USP8: variants seen among roughly 807,000 people sequenced by gnomAD.
USP8 encodes ubiquitin carboxyl-terminal hydrolase 8.
A neutral mutation model predicts 130.0 loss-of-function variants in USP8; 27 were observed. The observed-to-expected ratio is 0.21, with a 90% CI of 0.15 to 0.29. USP8 has a LOEUF of 0.29. USP8 is among the 10% of genes least tolerant of loss of function. The pLI is 1.00. For missense variants in USP8, 1,029 were observed against 1,312.2 expected (o/e 0.78, Z 3.33); for synonymous variants, 392 against 444.1 (o/e 0.88, Z 1.48).
At chr15:50,459,432 A>C (rs1406712299) in intron 5 of USP8, among the ~76,000 whole-genome samples, 1 of 152,062 alleles carries the variant, frequency 6.6e-6, no homozygotes, top group African/African-American at 2.4e-5. Context: ...AAAAATACAA[A>C]AGTTAGCTGG....
intron 4 of USP8, among the ~76,000 whole-genome samples, chr15:50,452,594 T>C (rs1355417946): frequency 1.3e-5 from 2 of 152,210 alleles, no homozygotes; most frequent in Non-Finnish European, 2.9e-5. Flanking sequence ...TGTTCCAGCA[T>C]AGAGCACTAC....
rs1422182672 is a variant in USP8, at chr15:50,498,893, T to C, written c.3172-10T>C. 1 of 1,581,168 alleles carries C rather than the reference T, an allele frequency of 6.3e-7. No homozygotes were observed. Among genetic ancestry groups the C allele is most frequent in the Non-Finnish European group, 8.6e-7 (1 of 1,165,244 alleles). On this transcript the variant is annotated splice_polypyrimidine_tract_variant and intron_variant, in intron 19 of 19. Coordinates refer to ENST00000307179, the MANE Select transcript of USP8 (RefSeq NM_005154.5). The stretch of plus-strand genomic sequence containing the variant: ...TGAATTGATTTTTTTTTCTATCTTG[T>C]TTGGCACAGAATCACTACGGTGGGC...
chr15:50,490,407 C>G lies in USP8; in HGVS notation c.2116C>G (p.Arg706Gly). 1 of 1,614,066 alleles carries G rather than the reference C, an allele frequency of 6.2e-7. No individual in the cohort carries two copies. Among genetic ancestry groups the G allele is most frequent in the Non-Finnish European group, 8.5e-7 (1 of 1,180,006 alleles). The change falls in exon 14 of 20, where the codon CGG becomes GGG. Residue 706 changes from arginine (R) to glycine (G), a missense_variant. By Grantham distance (125) the Arg-to-Gly change is moderately radical. Transcript: ENST00000307179. ...HKAKPQIPAE[R>G]DREPSKLKRS... ...AGCCAAGCCACAGATTCCTGCTGAG[C>G]GGGATAGGGAACCTTCCAAACTGAA...
At chr15:50,471,545 G>T in intron 7 of USP8, 88 bp from the exon 8 acceptor site, 1 of 1,448,558 alleles carries the variant, frequency 6.9e-7, no homozygotes, top group South Asian at 1.3e-5. Flanking sequence ...GTGTGGTAAA[G>T]ACTGTGGAAC....
intron 4 of USP8, among the ~76,000 whole-genome samples, chr15:50,456,232 T>A (rs17519466): frequency 6.6e-6 from 1 of 152,104 alleles, no homozygotes; most frequent in Non-Finnish European, 1.5e-5. Context: ...TGATCATTTC[T>A]GTCAATGGAA....
rs11638390 is a variant in USP8 at position 50,490,506 on chromosome 15, A to G, written c.2215A>G (p.Thr739Ala). Reference protein sequence around the residue: ...EEKRKPTVTPTVNRENKPTCY... With the variant: ...EEKRKPTVTPAVNRENKPTCY... The stretch of plus-strand genomic sequence containing the variant: ...GAAGAGGAAGCCAACAGTAACTCCA[A>G]CAGTTAATCGGGAAAACAAGTATGT... Residue 739 changes from threonine (T) to alanine (A), a missense_variant, in exon 14 of 20, where the codon ACA (threonine) becomes GCA (alanine). Thr to Ala is a moderately conservative substitution (Grantham distance 58). Coordinates refer to ENST00000307179, the MANE Select transcript of USP8 (RefSeq NM_005154.5). 0.17 allele frequency: 267,025 copies of G among 1,613,532 alleles called. 24,939 individuals are homozygous for G. The highest frequency in any genetic ancestry group is 0.31 in the Admixed American group (18,302 of 59,904).
rs115777032 is a variant in USP8, at chr15:50,452,025, A to T, written c.335+2540A>T. ...TCCGTGGCCTGCTGGCCCCTGTCCT[A>T]GGGGTGGCCGCATGGTCCCAGGTGC... On this transcript the variant is annotated intron_variant, in intron 4 of 19. Transcript: ENST00000307179. Among the ~76,000 whole-genome samples, 1,425 of 152,312 alleles carry T rather than the reference A, an allele frequency of 9.4e-3. 22 individuals carry two copies. The highest frequency in any genetic ancestry group is 0.032 in the African/African-American group (1,329 of 41,554).
At chr15:50,484,909 A>G (rs564620518) in intron 12 of USP8, among the ~76,000 whole-genome samples, 21 of 101,452 alleles carry the variant, frequency 2.1e-4, no homozygotes, top group South Asian at 1.5e-3. Context: ...GAATGATTCC[A>G]TTTCTATGAG....
At chr15:50,451,830 G>A (rs1174571328) in intron 4 of USP8, among the ~76,000 whole-genome samples, 3 of 152,162 alleles carry the variant, frequency 2.0e-5, no homozygotes, top group African/African-American at 7.2e-5. Context: ...TTGTCAGGCC[G>A]GCAGTCTGAG....
intron 7 of USP8, among the ~76,000 whole-genome samples, chr15:50,469,143 G>A (rs930049601): frequency 6.6e-6 from 1 of 151,976 alleles, no homozygotes; most frequent in South Asian, 2.1e-4. Flanking sequence ...GCCATATGAT[G>A]TTCTGTTGTG....
chr15:50,461,128 A>C (rs139316174), intron 5 of USP8, among the ~76,000 whole-genome samples: 1 of 151,924 alleles, frequency 6.6e-6, no homozygotes, highest in Non-Finnish European at 1.5e-5. Flanking sequence ...AAGTAACTGG[A>C]ATTATAGGAA....
Position 50,492,685 on chromosome 15 carries a change from C to G in USP8, c.2235-16C>G. 3 of 1,609,576 alleles carry G rather than the reference C, an allele frequency of 1.9e-6. No homozygotes were observed. Among genetic ancestry groups the G allele is most frequent in the Non-Finnish European group, 2.5e-6 (3 of 1,179,344 alleles). On this transcript the variant is annotated splice_polypyrimidine_tract_variant and intron_variant, in intron 14 of 19. Coordinates refer to ENST00000307179, the MANE Select transcript of USP8 (RefSeq NM_005154.5). ...CTCAGCATTTTAAGACATCTTGTAT[C>G]CTTTTTCTTCCTCAGGCCAACATGT...
intron 12 of USP8, among the ~76,000 whole-genome samples, chr15:50,485,380 G>A (rs1435396229): frequency 6.6e-6 from 1 of 151,080 alleles, no homozygotes; most frequent in African/African-American, 2.4e-5. Context: ...AACCAGGGAG[G>A]CGGAGCTTGC....
intron 3 of USP8, among the ~76,000 whole-genome samples, chr15:50,447,023 G>A (rs2050465957): frequency 6.6e-6 from 1 of 152,172 alleles, no homozygotes. Flanking sequence ...CTGTTCTTGT[G>A]TTACCACATA....
At chr15:50,465,370 A>G (rs2051154745) in intron 7 of USP8, among the ~76,000 whole-genome samples, 179 bp downstream of exon 7, 1 of 152,040 alleles carries the variant, frequency 6.6e-6, no homozygotes, top group Non-Finnish European at 1.5e-5. Flanking sequence ...GGGGAGGTAC[A>G]TTTTAGGAGC....
At position 50,510,657 on chromosome 15, in the gene USP8, G is replaced by A. The variant is rs1483034352; in HGVS notation, c.*11569G>A. Reference sequence around the variant, plus strand: ...TAAATCAGCAAAAAGTTAGATATACGTGTGTATAGATGTGCACATATATAT... The same window carrying A: ...TAAATCAGCAAAAAGTTAGATATACATGTGTATAGATGTGCACATATATAT... On this transcript the variant is annotated 3_prime_UTR_variant, in exon 20 of 20. Coordinates refer to ENST00000307179, the MANE Select transcript of USP8 (RefSeq NM_005154.5). 3 of 152,134 alleles carry A rather than the reference G, an allele frequency of 2.0e-5. No individual in the cohort carries two copies. Among genetic ancestry groups the A allele is most frequent in the African/African-American group, 4.8e-5 (2 of 41,452 alleles). The allele number at this position is 152,134 out of a possible 1,614,324, so 9.4% of individuals were successfully genotyped here.
intron 1 of USP8, among the ~76,000 whole-genome samples, chr15:50,427,244 A>C (rs765923344): frequency 6.6e-5 from 10 of 152,126 alleles, no homozygotes; most frequent in Admixed American, 1.3e-4. Context: ...CCCATTTCCA[A>C]TTTCTTTAAC....
rs1044306630 is a variant in USP8 at position 50,484,316 on chromosome 15, G to A, written c.1845G>A (p.Arg615=). The A allele has an allele frequency of 1.2e-6, 2 of 1,612,138 alleles. No homozygotes were observed. Among genetic ancestry groups the A allele is most frequent in the Non-Finnish European group, 1.7e-6 (2 of 1,179,282 alleles). ...GACAACCAGAAAGTGGAATTCTAAG[G>A]ACAGGAACTTTTAGAGAGGATACAG... ...IKGQPESGIL[R]TGTFREDTDD... The change falls in exon 12 of 20, where the codon AGG becomes AGA. Residue 615 remains arginine, a synonymous_variant. Transcript: ENST00000307179.
At chr15:50,435,974 A>G (rs2050079215) in intron 1 of USP8, among the ~76,000 whole-genome samples, 1 of 151,608 alleles carries the variant, frequency 6.6e-6, no homozygotes, top group Non-Finnish European at 1.5e-5. Context: ...CCTCTATTCC[A>G]TCTCTACTGC....
Sources: gnomAD v4.1 joint callset for allele counts (sites outside exome capture counted in the v4.1 genomes callset) on GRCh38, gnomAD v4.1.1 for gene constraint, MANE v1.5 for transcripts, NCBI Gene and HGNC (gene_info 2026-07-23, HGNC 2026-07-21) for gene names.